Variants in CTDP1 observed in about 807,000 individuals in gnomAD.
CTDP1 encodes the protein CTD phosphatase 1, also known as RNA polymerase II subunit A C-terminal domain phosphatase.
A neutral mutation model predicts 91.8 loss-of-function variants in CTDP1; 47 were observed. The ratio of observed to expected loss-of-function variants is 0.51; its 90% CI spans 0.41 to 0.65. The LOEUF is 0.65. Among genes scored for constraint, CTDP1 ranks in the 30% least tolerant of loss-of-function variants. The probability of loss-of-function intolerance (pLI) is 0.00; values close to 1 mark genes in which losing one functional copy is unlikely to be tolerated. For synonymous variants in CTDP1, 656 were observed against 598.5 expected, an observed-to-expected ratio of 1.10 and a Z score of -1.40; for missense variants, 1,272 against 1,373.7, an observed-to-expected ratio of 0.93 and a Z score of 1.17.
rs138896248 is a variant in CTDP1 at position 79,700,171 on chromosome 18, G to A, written c.621+2183G>A. On this transcript the variant is annotated intron_variant, in intron 4 of 12. Coordinates refer to ENST00000613122, the MANE Select transcript of CTDP1 (RefSeq NM_004715.5). ...ATAACAGTATTGAAATTAGGCCAGC[G>A]TAGTAACCCTACAGTGACCTCTGAG... Among the ~76,000 whole-genome samples, 541 of 152,290 alleles carry A rather than the reference G, an allele frequency of 3.6e-3. 1 individual carries two copies. Among genetic ancestry groups the A allele is most frequent in the Non-Finnish European group, 4.6e-3 (316 of 68,016 alleles).
intron 10 of CTDP1, among the ~76,000 whole-genome samples, chr18:79,722,209 T>G (rs2086358862): frequency 6.6e-6 from 1 of 152,250 alleles, no homozygotes; most frequent in Non-Finnish European, 1.5e-5. Context: ...GTAAGCTGGA[T>G]TTGAATGAAG....
intron 8 of CTDP1, 140 bp from the exon 9 acceptor site, chr18:79,717,395 C>T (rs1438159451): frequency 7.3e-6 from 9 of 1,241,072 alleles, no homozygotes; most frequent in Non-Finnish European, 9.1e-6. Flanking sequence ...AGGTGAAGGC[C>T]CTGGTGGGAT....
At chr18:79,708,720 A>G (rs1055974610) in intron 5 of CTDP1, among the ~76,000 whole-genome samples, 1 of 152,260 alleles carries the variant, frequency 6.6e-6, no homozygotes, top group Non-Finnish European at 1.5e-5. Flanking sequence ...ACAAGACCAC[A>G]GTCCCAGCTC....
intron 5 of CTDP1, among the ~76,000 whole-genome samples, chr18:79,706,419 C>T (rs576749170): frequency 9.2e-5 from 14 of 152,310 alleles, no homozygotes; most frequent in East Asian, 1.9e-4. Context: ...TCACACAAAC[C>T]GCAGGGACAG....
At chr18:79,677,881 C>T (rs569434945), upstream of CTDP1, 1 of 152,204 alleles carries the variant, frequency 6.6e-6, no homozygotes, top group Admixed American at 6.5e-5. Context: ...AGTTTTGTTA[C>T]CTGGTTGCTC....
chr18:79,711,335 A>C (rs2086079572), intron 6 of CTDP1, among the ~76,000 whole-genome samples: 1 of 152,096 alleles, frequency 6.6e-6, no homozygotes. Context: ...TTGGAGAGGC[A>C]GGAGGCAGGC....
chr18:79,738,433 G>T (rs1045891280), intron 12 of CTDP1, among the ~76,000 whole-genome samples: 1 of 152,180 alleles, frequency 6.6e-6, no homozygotes. Flanking sequence ...CTGCATCCTG[G>T]TTTCCTCACC....
chr18:79,745,290 T>C (rs113499357), intron 12 of CTDP1, among the ~76,000 whole-genome samples: 17,201 of 74,370 alleles, frequency 0.23, 837 homozygotes, highest in African/African-American at 0.31. Flanking sequence ...GTTCTGTCCC[T>C]GCGTCCCTCC....
At chr18:79,711,566 C>T (rs2086084509) in intron 6 of CTDP1, among the ~76,000 whole-genome samples, 1 of 152,210 alleles carries the variant, frequency 6.6e-6, no homozygotes, top group Non-Finnish European at 1.5e-5. Flanking sequence ...AGCTCAGCAG[C>T]TCTGCGGGGC....
At chr18:79,750,731 C>T (rs1284268417) in intron 12 of CTDP1, among the ~76,000 whole-genome samples, 1 of 132,194 alleles carries the variant, frequency 7.6e-6, no homozygotes, top group Non-Finnish European at 1.5e-5. Context: ...TCAGGCTGGT[C>T]TTGAACTCCT....
chr18:79,695,099 C>T (rs1181546048), intron 1 of CTDP1, 126 bp from the exon 2 acceptor site: 7 of 845,678 alleles, frequency 8.3e-6, no homozygotes, highest in Non-Finnish European at 1.2e-5. Context: ...TGTCACCTGC[C>T]TACAAAGTTA....
chr18:79,749,279 C>A (rs1188250994), intron 12 of CTDP1, among the ~76,000 whole-genome samples: 2 of 152,146 alleles, frequency 1.3e-5, no homozygotes, highest in Non-Finnish European at 2.9e-5. Flanking sequence ...CCCCAGGGTC[C>A]CGCCTGGCTC....
intron 10 of CTDP1, among the ~76,000 whole-genome samples, chr18:79,718,477 C>T (rs772541911): frequency 3.9e-5 from 6 of 152,130 alleles, no homozygotes; most frequent in African/African-American, 1.2e-4. Context: ...GTGGCAGTGG[C>T]GGCTGGTAAA....
intron 12 of CTDP1, among the ~76,000 whole-genome samples, chr18:79,746,766 A>G (rs576999216): frequency 2.0e-5 from 3 of 152,296 alleles, no homozygotes; most frequent in South Asian, 4.1e-4. Flanking sequence ...ACAGGTGCGC[A>G]CCACCATGCC....
rs540165914 is a variant in CTDP1, at chr18:79,715,950, G to T, written c.2068+422G>T. ...AACGTGCACAGAAGGACACGTTGTG[G>T]CTGGGAGGGCGGAGGACAGGCCTGC... is the stretch of plus-strand genomic sequence containing the variant. On this transcript the variant is annotated intron_variant, in intron 8 of 12. Transcript: ENST00000613122. Among the ~76,000 whole-genome samples the T allele has an allele frequency of 2.6e-5, 4 of 152,338 alleles. No homozygotes were observed. In the East Asian group the frequency reaches 7.7e-4, roughly 29 times the overall value.
At chr18:79,736,622 C>G in intron 12 of CTDP1, 101 bp downstream of exon 12, 1 of 1,224,630 alleles carries the variant, frequency 8.2e-7, no homozygotes, top group Non-Finnish European at 1.1e-6. Flanking sequence ...TCACGCCCTC[C>G]ACCATTCTGT....
At chr18:79,753,571 A>C in intron 12 of CTDP1, 81 bp from the exon 13 acceptor site, 3 of 1,609,052 alleles carry the variant, frequency 1.9e-6, no homozygotes, top group Non-Finnish European at 2.6e-6. Context: ...CACGGAAGCC[A>C]CTTCCCAAAT....
intron 1 of CTDP1, chr18:79,685,251 T>G (rs1207762987): frequency 1.3e-5 from 2 of 152,212 alleles, no homozygotes; most frequent in Non-Finnish European, 2.9e-5. Context: ...TTATGTGGAG[T>G]ACAATTATTT....
rs1029198130 is a variant in CTDP1, at chr18:79,749,214, G to T, written c.2748-4438G>T. ...TCCTCGCTTGATTTTAGAAAGAAAA[G>T]AATTGTTGGAACTGGTTCTTGCACC... On this transcript the variant is annotated intron_variant, in intron 12 of 12. Coordinates refer to ENST00000613122, the MANE Select transcript of CTDP1 (RefSeq NM_004715.5). Among the ~76,000 whole-genome samples, 4 of 152,272 alleles carry T rather than the reference G, an allele frequency of 2.6e-5. 1 individual carries two copies.
Sources: gnomAD v4.1 joint callset for allele counts (sites outside exome capture counted in the v4.1 genomes callset) on GRCh38, gnomAD v4.1.1 for gene constraint, MANE v1.5 for transcripts, NCBI Gene and HGNC (gene_info 2026-07-23, HGNC 2026-07-21) for gene names.